Variants in MKLN1 observed in about 807,000 individuals in gnomAD.
The protein encoded by MKLN1 is muskelin.
In MKLN1, 18 loss-of-function variants were observed where a neutral mutation model predicts 99.0. The observed-to-expected ratio is 0.18, with a 90% CI of 0.13 to 0.27. The LOEUF (loss-of-function observed/expected upper bound fraction) is 0.27, where lower values mean the gene tolerates loss of function less well. MKLN1 is among the 10% of genes least tolerant of loss of function. The pLI is 1.00. For missense variants in MKLN1, 621 were observed against 875.9 expected, an observed-to-expected ratio of 0.71 and a Z score of 3.67; for synonymous variants, 288 against 293.2, an observed-to-expected ratio of 0.98 and a Z score of 0.18.
At chr7:131,230,778 A>G (rs1797229617) in intron 3 of MKLN1, among the ~76,000 whole-genome samples, 1 of 151,952 alleles carries the variant, frequency 6.6e-6, no homozygotes, top group South Asian at 2.1e-4. Flanking sequence ...TGGCATGGGG[A>G]GCCTCCATCT....
chr7:131,294,088 C>T (rs144794987), intron 3 of MKLN1, among the ~76,000 whole-genome samples: 1 of 151,970 alleles, frequency 6.6e-6, no homozygotes, highest in African/African-American at 2.4e-5. Context: ...ACTAGAGAAA[C>T]GGAATCAAAT....
At chr7:131,441,474 A>G (rs991710036) in intron 10 of MKLN1, among the ~76,000 whole-genome samples, 1 of 152,212 alleles carries the variant, frequency 6.6e-6, no homozygotes, top group African/African-American at 2.4e-5. Context: ...TCCTGACATA[A>G]TAAATGAATA....
chr7:131,297,220 G>A (rs1004893403), intron 3 of MKLN1, among the ~76,000 whole-genome samples: 4 of 152,066 alleles, frequency 2.6e-5, no homozygotes, highest in East Asian at 3.9e-4. Context: ...AATTAGCCAC[G>A]TGTGGTGGCG....
intron 9 of MKLN1, among the ~76,000 whole-genome samples, chr7:131,429,877 G>A (rs1403280243): frequency 6.6e-6 from 1 of 152,182 alleles, no homozygotes; most frequent in Non-Finnish European, 1.5e-5. Flanking sequence ...ACTGCGCCTG[G>A]CTGATACATA....
intron 3 of MKLN1, among the ~76,000 whole-genome samples, chr7:131,305,539 G>C (rs930717682): frequency 3.3e-5 from 5 of 152,150 alleles, no homozygotes; most frequent in African/African-American, 1.2e-4. Flanking sequence ...TCTCTGCCTA[G>C]AATTCTTTCT....
chr7:131,434,077 G>A (rs1015494736), intron 9 of MKLN1, among the ~76,000 whole-genome samples: 1 of 151,944 alleles, frequency 6.6e-6, no homozygotes, highest in African/African-American at 2.4e-5. Flanking sequence ...GTAGAGATGA[G>A]GTTTCACCAT....
At chr7:131,334,138 A>G (rs987587220) in intron 1 of MKLN1, among the ~76,000 whole-genome samples, 2 of 152,242 alleles carry the variant, frequency 1.3e-5, no homozygotes, top group Non-Finnish European at 2.9e-5. Flanking sequence ...AAAATAGAAT[A>G]TATTTATTGT....
At chr7:131,349,868 C>T (rs905056032) in intron 1 of MKLN1, among the ~76,000 whole-genome samples, 12 of 152,000 alleles carry the variant, frequency 7.9e-5, no homozygotes, top group Admixed American at 7.2e-4. Context: ...ATTTTGTTGC[C>T]ATTCTTTTTT....
intron 2 of MKLN1, among the ~76,000 whole-genome samples, chr7:131,386,014 C>CT (rs71174945): frequency 0.21 from 28,423 of 132,872 alleles, 3,314 homozygotes; most frequent in Admixed American, 0.33. Context: ...GGTCTTCAGT[C>CT]TTTTTTTTTT....
intron 1 of MKLN1, among the ~76,000 whole-genome samples, chr7:131,374,268 T>G (rs1793566042): frequency 6.6e-6 from 1 of 152,172 alleles, no homozygotes; most frequent in Admixed American, 6.6e-5. Context: ...AACATACCAT[T>G]GTGGAAATAC....
intron 2 of MKLN1, among the ~76,000 whole-genome samples, chr7:131,177,524 T>A (rs372719184): frequency 1.3e-5 from 2 of 151,178 alleles, no homozygotes; most frequent in South Asian, 2.1e-4. Flanking sequence ...ATATATGTGG[T>A]TTTTATGCTA....
intron 1 of MKLN1, among the ~76,000 whole-genome samples, chr7:131,135,024 G>A (rs9690314): frequency 0.14 from 20,804 of 152,122 alleles, 1,442 homozygotes; most frequent in Non-Finnish European, 0.14. Context: ...CTTTGTGCCT[G>A]TTTTCATCCT....
chr7:131,198,445 C>T (rs1243736483), intron 2 of MKLN1, among the ~76,000 whole-genome samples: 1 of 152,140 alleles, frequency 6.6e-6, no homozygotes, highest in Non-Finnish European at 1.5e-5. Context: ...GATGGTATTC[C>T]TTCGGAATGC....
intron 2 of MKLN1, among the ~76,000 whole-genome samples, chr7:131,385,855 C>CTAAAATTT (rs1167635013): frequency 6.6e-6 from 1 of 151,988 alleles, no homozygotes; most frequent in African/African-American, 2.4e-5. Flanking sequence ...TCCTTTGATA[C>CTAAAATTT]TAAAATTTTA....
intron 3 of MKLN1, among the ~76,000 whole-genome samples, chr7:131,322,351 G>T (rs964526408): frequency 6.6e-6 from 1 of 152,182 alleles, no homozygotes; most frequent in African/African-American, 2.4e-5. Flanking sequence ...CAATAAATCA[G>T]TGTGTATTAG....
chr7:131,434,482 T>G (rs559005441), intron 9 of MKLN1, among the ~76,000 whole-genome samples: 1 of 152,236 alleles, frequency 6.6e-6, no homozygotes, highest in East Asian at 1.9e-4. Flanking sequence ...GCTTCTTTTT[T>G]ATTTCTTAGA....
intron 1 of MKLN1, among the ~76,000 whole-genome samples, chr7:131,130,325 G>T (rs1444719313): frequency 1.3e-5 from 2 of 152,212 alleles, no homozygotes; most frequent in East Asian, 1.9e-4. Flanking sequence ...CCTACAGCCT[G>T]ATAAGCTTAG....
intron 3 of MKLN1, among the ~76,000 whole-genome samples, chr7:131,279,499 A>T (rs1798020640): frequency 6.6e-6 from 1 of 152,220 alleles, no homozygotes; most frequent in African/African-American, 2.4e-5. Context: ...CCATAAAAAA[A>T]GTTGCCCATT....
At chr7:131,136,570 T>C (rs1323541088) in intron 1 of MKLN1, among the ~76,000 whole-genome samples, 1 of 152,188 alleles carries the variant, frequency 6.6e-6, no homozygotes, top group African/African-American at 2.4e-5. Flanking sequence ...GGCACTTTGG[T>C]ACCGATTCCA....
Sources: allele counts gnomAD v4.1 joint callset (sites outside exome capture counted in the v4.1 genomes callset), GRCh38; gene constraint gnomAD v4.1.1; transcripts MANE v1.5; gene names NCBI Gene and HGNC (gene_info 2026-07-23, HGNC 2026-07-21).